PTDSS1: variants seen among roughly 807,000 people sequenced by gnomAD.
PTDSS1 encodes phosphatidylserine synthase 1.
PTDSS1 carries 45 observed loss-of-function variants against 70.5 expected under a neutral mutation model. That is an observed-to-expected ratio of 0.64 (90% CI 0.50 to 0.82). The LOEUF (loss-of-function observed/expected upper bound fraction) is 0.82. PTDSS1 is among the 40% of genes least tolerant of loss of function. The pLI is 0.00. For synonymous variants in PTDSS1, 188 were observed against 203.8 expected, an observed-to-expected ratio of 0.92 and a Z score of 0.66; for missense variants, 417 against 586.1, an observed-to-expected ratio of 0.71 and a Z score of 2.98.
intron 4 of PTDSS1, among the ~76,000 whole-genome samples, chr8:96,291,108 T>G (rs1810896555): frequency 6.6e-6 from 1 of 152,228 alleles, no homozygotes; most frequent in East Asian, 1.9e-4. Context: ...TAATTAATGC[T>G]GACCCAGCTT....
intron 10 of PTDSS1, among the ~76,000 whole-genome samples, chr8:96,320,730 T>C (rs539454346): frequency 6.6e-6 from 1 of 152,330 alleles, no homozygotes; most frequent in South Asian, 2.1e-4. Flanking sequence ...TCATTGCACA[T>C]GGATTTATAT....
chr8:96,279,209 G>A (rs1234576667), intron 2 of PTDSS1, among the ~76,000 whole-genome samples: 1 of 150,286 alleles, frequency 6.7e-6, no homozygotes, highest in Non-Finnish European at 1.5e-5. Flanking sequence ...TGGAACTCCT[G>A]ACCTCAGGTG....
intron 9 of PTDSS1, among the ~76,000 whole-genome samples, chr8:96,316,648 C>T (rs1490292946): frequency 6.6e-6 from 1 of 152,046 alleles, no homozygotes; most frequent in South Asian, 2.1e-4. Context: ...AGCATTCCTA[C>T]ACATGTACCC....
rs1244040118 is a variant in PTDSS1 at position 96,287,134 on chromosome 8, A to G, written c.429A>G (p.Glu143=). The G allele has an allele frequency of 1.2e-6, 2 of 1,614,220 alleles. No homozygotes were observed. The highest frequency in any genetic ancestry group is 2.2e-5 in the South Asian group (2 of 91,088). The part of the protein sequence containing the change: ...LDPNLRYATR[E]ADVMEYAVNC... ...CAAATCTTCGATACGCCACAAGGGA[A>G]GCAGATGTCATGGTATGTACTTGTC... The change falls in exon 4 of 13, where the codon GAA becomes GAG. Residue 143 remains glutamate (E), a synonymous_variant. Coordinates refer to ENST00000517309, the MANE Select transcript of PTDSS1 (RefSeq NM_014754.3).
rs1811583339 is a variant in PTDSS1, at chr8:96,335,549, T to A, written c.*1983T>A. Reference sequence around the variant, plus strand: ...CAGGAGGCAGCTGTTTCGCAGGTGGTGAATTCGACTTTACTGTGGCATTGT... The same window carrying A: ...CAGGAGGCAGCTGTTTCGCAGGTGGAGAATTCGACTTTACTGTGGCATTGT... On this transcript the variant is annotated 3_prime_UTR_variant, in exon 13 of 13. Coordinates refer to ENST00000517309, the MANE Select transcript of PTDSS1 (RefSeq NM_014754.3). 6.6e-6 allele frequency: 1 copy of A among 152,284 alleles called. No individual in the cohort carries two copies. The highest frequency in any genetic ancestry group is 2.4e-5 in the African/African-American group (1 of 41,472). 9.4% of individuals were successfully genotyped at this position (152,284 alleles called of 1,614,324 possible).
In PTDSS1 at chr8:96,320,343, G is replaced by T; in HGVS notation, c.1171G>T (p.Val391Leu). The T allele has an allele frequency of 6.2e-7, 1 of 1,601,878 alleles. No homozygotes were observed. Among genetic ancestry groups the T allele is most frequent in the Non-Finnish European group, 8.6e-7 (1 of 1,169,008 alleles). Residue 391 changes from valine (V) to leucine (L), a missense_variant and splice_region_variant, in exon 10 of 13, where the codon GTG (valine) becomes TTG (leucine). Coordinates refer to ENST00000517309, the MANE Select transcript of PTDSS1 (RefSeq NM_014754.3). ...ILYVVLWLLC[V>L]AFTTFLCLYG... ...CTATGTTGTGCTTTGGCTTCTTTGC[G>T]TGGTAAGTCACTGCATTTTACCCAA...
chr8:96,320,202 G>C, intron 9 of PTDSS1, 44 bp from the exon 10 acceptor site: 1 of 1,487,042 alleles, frequency 6.7e-7, no homozygotes, highest in Middle Eastern at 1.7e-4. Flanking sequence ...TGTATGCTCT[G>C]GTAAGATGGA....
At position 96,320,309 on chromosome 8, in the gene PTDSS1, C is replaced by T; in HGVS notation, c.1137C>T (p.Thr379=). 1 of 1,613,124 alleles carries T rather than the reference C, an allele frequency of 6.2e-7. No individual in the cohort carries two copies. Among genetic ancestry groups the T allele is most frequent in the Non-Finnish European group, 8.5e-7 (1 of 1,179,184 alleles). ...IKFGQDLFSK[T]QILYVVLWLL... ...TTGGACAAGATCTCTTCTCTAAGAC[C>T]CAAATACTCTATGTTGTGCTTTGGC... The change falls in exon 10 of 13, where the codon ACC becomes ACT. Residue 379 remains threonine (T), a synonymous_variant. Coordinates refer to ENST00000517309, the MANE Select transcript of PTDSS1 (RefSeq NM_014754.3).
At position 96,333,917 on chromosome 8, in the gene PTDSS1, T is replaced by C. The variant is rs1416081173; in HGVS notation, c.*351T>C. 4 of 586,254 alleles carry C rather than the reference T, an allele frequency of 6.8e-6. No homozygotes were observed. Among genetic ancestry groups the C allele is most frequent in the Non-Finnish European group, 1.2e-5 (4 of 328,632 alleles). The allele number at this position is 586,254 out of a possible 1,614,324, so 36.3% of individuals were successfully genotyped here. Reference sequence around the variant, plus strand: ...GATCGTGGATGCAGCGTAAACATCTTCCTTCAGACGAGGCATTAACCCCAT... The same window carrying C: ...GATCGTGGATGCAGCGTAAACATCTCCCTTCAGACGAGGCATTAACCCCAT... On this transcript the variant is annotated 3_prime_UTR_variant, in exon 13 of 13. Coordinates refer to ENST00000517309, the MANE Select transcript of PTDSS1 (RefSeq NM_014754.3).
chr8:96,309,665 C>T (rs758284173), intron 9 of PTDSS1, 43 bp downstream of exon 9: 6 of 1,598,352 alleles, frequency 3.8e-6, no homozygotes, highest in Non-Finnish European at 5.1e-6. Context: ...CCACTTAAGC[C>T]CTAATTTTAT....
chr8:96,304,549 A>C (rs1216716857), intron 7 of PTDSS1, among the ~76,000 whole-genome samples: 3 of 152,200 alleles, frequency 2.0e-5, no homozygotes, highest in Non-Finnish European at 4.4e-5. Context: ...TTCCTAATTC[A>C]GTGTTTATTG....
At chr8:96,328,112 C>T (rs967178378) in intron 10 of PTDSS1, among the ~76,000 whole-genome samples, 9 of 150,786 alleles carry the variant, frequency 6.0e-5, no homozygotes, top group Non-Finnish European at 3.0e-5. Context: ...CGGCAGCTGC[C>T]ACTGCCTGTC....
chr8:96,284,012 TTTC>T (rs1048785553), intron 2 of PTDSS1, 94 bp from the exon 3 acceptor site: 1 of 1,030,442 alleles, frequency 9.7e-7, no homozygotes, highest in Non-Finnish European at 1.4e-6. Flanking sequence ...TAGAGAGCTT[TTTC>T]TTCTTGTTAT....
intron 3 of PTDSS1, 100 bp downstream of exon 3, chr8:96,284,253 CTT>C: frequency 8.9e-7 from 1 of 1,118,236 alleles, no homozygotes; most frequent in South Asian, 1.4e-5. Flanking sequence ...ATAGTTAAAA[CTT>C]TATTCTAGCT....
rs1027682300 is a variant in PTDSS1, at chr8:96,262,403, T to A, written c.179+184T>A. Among the ~76,000 whole-genome samples the A allele has an allele frequency of 6.6e-6, 1 of 152,146 alleles. No homozygotes were observed. Among genetic ancestry groups the A allele is most frequent in the Non-Finnish European group, 1.5e-5 (1 of 68,008 alleles). On this transcript the variant is annotated intron_variant, in intron 1 of 12. Transcript: ENST00000517309. The surrounding 1 kb of genome is among the most constrained non-coding windows in gnomAD (Gnocchi z 4.4). ...GCCCGCCCGGTGTCTCACAGTACGC[T>A]AGCCTGCTCCCCTACCCCTCAGTGC...
intron 1 of PTDSS1, among the ~76,000 whole-genome samples, chr8:96,267,425 A>C (rs899550639): frequency 6.6e-6 from 1 of 151,492 alleles, no homozygotes; most frequent in Non-Finnish European, 1.5e-5. Flanking sequence ...CAAACTCCCA[A>C]CCCTTTGGGA....
rs1563589358 is a variant in PTDSS1, at chr8:96,333,539, A to G, written c.1395A>G (p.Lys465=). The change falls in exon 13 of 13, where the codon AAA becomes AAG. Residue 465 remains lysine (K), a synonymous_variant. Coordinates refer to ENST00000517309, the MANE Select transcript of PTDSS1 (RefSeq NM_014754.3). ...GAAGGAATCGGCATTCCAAGTCAAA[A>G]GTCACCAATGGCGTTGGAAAGAAAT... ...SRRRNRHSKS[K]VTNGVGKK 1 of 1,612,794 alleles carries G rather than the reference A, an allele frequency of 6.2e-7. No homozygotes were observed.
chr8:96,306,351 AATTATTTCTAATTGT>A, intron 7 of PTDSS1, 78 bp from the exon 8 acceptor site: 2 of 927,378 alleles, frequency 2.2e-6, no homozygotes, highest in South Asian at 2.9e-5. Context: ...TGAACATACC[AATTATTTCTAATTGT>A]AGAATGTCTA....
intron 1 of PTDSS1, among the ~76,000 whole-genome samples, chr8:96,272,675 G>T (rs954002932): frequency 6.6e-6 from 1 of 152,166 alleles, no homozygotes; most frequent in Non-Finnish European, 1.5e-5. Flanking sequence ...GTAAAATGTG[G>T]TTGATAATAC....
Sources: allele counts gnomAD v4.1 joint callset (sites outside exome capture counted in the v4.1 genomes callset), GRCh38; gene constraint gnomAD v4.1.1; non-coding constraint Gnocchi (gnomAD v3.1); transcripts MANE v1.5; gene names NCBI Gene and HGNC (gene_info 2026-07-23, HGNC 2026-07-21).